The following XKR9 variants were observed in gnomAD, a reference collection of about 807,000 sequenced individuals.
XKR9 encodes XK related 9.
In XKR9, 32 loss-of-function variants were observed where a neutral mutation model predicts 32.0. The observed-to-expected ratio is 1.00, with a 90% CI of 0.76 to 1.34. XKR9 has a LOEUF of 1.34. Ranked by LOEUF, XKR9 falls within the 40% of genes most tolerant of loss-of-function variation. XKR9 has a pLI of 0.00. For missense variants in XKR9, 546 were observed against 429.7 expected (o/e 1.27, Z -2.39); for synonymous variants, 168 against 143.4 (o/e 1.17, Z -1.22).
At chr8:70,853,886 C>T in the XKR9 span, among the ~76,000 whole-genome samples, 3 of 152,148 alleles carry the variant, frequency 2.0e-5, no homozygotes, top group Admixed American at 2.0e-4. Flanking sequence ...CATAGTATTC[C>T]ATGGTGTATA....
the XKR9 span, among the ~76,000 whole-genome samples, chr8:71,058,086 C>T: frequency 6.6e-6 from 1 of 151,910 alleles, no homozygotes. Context: ...GAGGCTGAGG[C>T]AGGAGAATGG....
At chr8:70,944,212 T>G in the XKR9 span, among the ~76,000 whole-genome samples, 1 of 152,184 alleles carries the variant, frequency 6.6e-6, no homozygotes, top group South Asian at 2.1e-4. Flanking sequence ...AGGAGGGAGC[T>G]ATTTTGTAAG....
chr8:70,873,310 A>G, the XKR9 span, among the ~76,000 whole-genome samples: 1 of 152,194 alleles, frequency 6.6e-6, no homozygotes, highest in Non-Finnish European at 1.5e-5. Context: ...TTCAAATCTC[A>G]TGATTTAAGT....
At chr8:71,054,742 T>A in the XKR9 span, among the ~76,000 whole-genome samples, 1 of 152,226 alleles carries the variant, frequency 6.6e-6, no homozygotes, top group South Asian at 2.1e-4. Flanking sequence ...TTTTTTCAAT[T>A]GAACTAAAGG....
intron 2 of XKR9, among the ~76,000 whole-genome samples, chr8:70,787,495 G>A (rs1417506675): frequency 1.3e-5 from 2 of 152,134 alleles, no homozygotes; most frequent in African/African-American, 2.4e-5. Flanking sequence ...GACCTGAGGA[G>A]AGTGAACGGG....
chr8:70,918,839 G>A, the XKR9 span, among the ~76,000 whole-genome samples: 3 of 139,420 alleles, frequency 2.2e-5, no homozygotes, highest in Admixed American at 7.4e-5. Context: ...GTGCAGTGGC[G>A]CTGTCTCGGC....
intron 3 of XKR9, chr8:70,789,980 T>C (rs1432364173): frequency 2.0e-5 from 3 of 151,718 alleles, no homozygotes; most frequent in Admixed American, 6.6e-5. Flanking sequence ...ATGAGCGCTC[T>C]AGTCTCCAGA....
chr8:70,899,177 T>C, the XKR9 span, among the ~76,000 whole-genome samples: 2 of 152,194 alleles, frequency 1.3e-5, no homozygotes. Context: ...AAAATTTGTC[T>C]TCGGTGTAAG....
the XKR9 span, among the ~76,000 whole-genome samples, chr8:70,818,125 G>T: frequency 5.3e-5 from 8 of 152,066 alleles, no homozygotes; most frequent in Non-Finnish European, 1.0e-4. Context: ...TAGTTAAACT[G>T]AAGGGCTTCT....
chr8:70,726,095 C>T (rs2132227964), intron 4 of XKR9, among the ~76,000 whole-genome samples: 1 of 152,084 alleles, frequency 6.6e-6, no homozygotes, highest in East Asian at 1.9e-4. Context: ...GGAAAGTGCC[C>T]CATCACAGCA....
At chr8:70,783,144 T>G (rs994773914) in intron 2 of XKR9, among the ~76,000 whole-genome samples, 3 of 152,196 alleles carry the variant, frequency 2.0e-5, no homozygotes, top group Admixed American at 2.0e-4. Flanking sequence ...AAATGCTACC[T>G]TCTTGTGGTT....
At chr8:70,930,998 C>A in the XKR9 span, among the ~76,000 whole-genome samples, 1 of 152,076 alleles carries the variant, frequency 6.6e-6, no homozygotes, top group East Asian at 1.9e-4. Flanking sequence ...CAGTTAGTTC[C>A]AAGTTTGGCT....
At position 70,729,619 on chromosome 8, in the gene XKR9, A is replaced by G. The variant is rs1386181387; in HGVS notation, c.494-4177A>G. ...AAAATAAGGCAACAATTGCCTATGG[A>G]TGACAAAAAAATCTTAGGGCAGCCA... is the stretch of plus-strand genomic sequence containing the variant. On this transcript the variant is annotated intron_variant, in intron 4 of 4. Coordinates refer to ENST00000408926, the MANE Select transcript of XKR9 (RefSeq NM_001011720.2). Among the ~76,000 whole-genome samples, 4 of 152,302 alleles carry G rather than the reference A, an allele frequency of 2.6e-5. No homozygotes were observed. In the South Asian group the frequency reaches 8.3e-4, roughly 32 times the overall value.
downstream of XKR9, chr8:70,735,974 T>C (rs1806853895): frequency 1.3e-5 from 2 of 152,264 alleles, no homozygotes; most frequent in South Asian, 2.1e-4. Context: ...TTTGGGTATA[T>C]ACCCAGTAAT....
At chr8:70,690,528 G>A (rs1169711181) in intron 3 of XKR9, among the ~76,000 whole-genome samples, 2 of 149,228 alleles carry the variant, frequency 1.3e-5, no homozygotes, top group African/African-American at 4.9e-5. Flanking sequence ...ATTTAGTAGA[G>A]ATGGGGGTGG....
At chr8:70,746,934 G>A (rs1280171825) in intron 2 of XKR9, among the ~76,000 whole-genome samples, 1 of 151,992 alleles carries the variant, frequency 6.6e-6, no homozygotes, top group Admixed American at 6.6e-5. Flanking sequence ...TCTCCCTTTT[G>A]GAATCCCCAG....
intron 3 of XKR9, among the ~76,000 whole-genome samples, chr8:70,705,495 A>G (rs551202826): frequency 6.6e-6 from 1 of 152,284 alleles, no homozygotes; most frequent in African/African-American, 2.4e-5. Context: ...TAAGGAGCAA[A>G]CTGAAAATAT....
chr8:70,823,773 A>G, the XKR9 span, among the ~76,000 whole-genome samples: 1 of 152,150 alleles, frequency 6.6e-6, no homozygotes, highest in African/African-American at 2.4e-5. Flanking sequence ...TAGATGGCCA[A>G]GGTGTCAGGG....
At chr8:70,722,640 T>G (rs982346611) in intron 4 of XKR9, among the ~76,000 whole-genome samples, 14 of 152,224 alleles carry the variant, frequency 9.2e-5, no homozygotes, top group African/African-American at 3.4e-4. Flanking sequence ...GTGTTCTGGC[T>G]TGTAGGGTTT....
Sources: gnomAD v4.1 joint callset for allele counts (sites outside exome capture counted in the v4.1 genomes callset) on GRCh38, gnomAD v4.1.1 for gene constraint, MANE v1.5 for transcripts, NCBI Gene and HGNC (gene_info 2026-07-23, HGNC 2026-07-21) for gene names.